Variants in TSPAN9 observed in about 807,000 individuals in gnomAD.
The protein encoded by TSPAN9 is tetraspanin 9.
TSPAN9 carries 16 observed loss-of-function variants against 31.0 expected under a neutral mutation model. That is an observed-to-expected ratio of 0.52 (90% CI 0.35 to 0.78). TSPAN9 has a LOEUF of 0.78. Ranked by LOEUF, TSPAN9 falls within the 30% of genes least tolerant of loss-of-function variation. The pLI is 0.01. For synonymous variants in TSPAN9, 145 were observed against 121.6 expected (o/e 1.19, Z -1.27); for missense variants, 272 against 312.5 (o/e 0.87, Z 0.98).
At chr12:3,101,494 C>T (rs531620830) in intron 2 of TSPAN9, among the ~76,000 whole-genome samples, 2 of 152,262 alleles carry the variant, frequency 1.3e-5, no homozygotes, top group East Asian at 3.9e-4. Flanking sequence ...CTCTGAGCCC[C>T]ATGATTCATC....
intron 2 of TSPAN9, among the ~76,000 whole-genome samples, chr12:3,176,477 C>T (rs1014790089): frequency 6.6e-6 from 1 of 152,246 alleles, no homozygotes; most frequent in Non-Finnish European, 1.5e-5. Context: ...ATTGTCACAT[C>T]CGTGTGCTGC....
chr12:3,281,196 AGATGC>A lies in TSPAN9; in HGVS notation c.437_441del (p.Arg146LeufsTer5), dbSNP rs1862885806. The A allele has an allele frequency of 1.9e-6, 3 of 1,550,912 alleles. No individual in the cohort carries two copies. Among genetic ancestry groups the A allele is most frequent in the Non-Finnish European group, 1.7e-6 (2 of 1,146,860 alleles). On this transcript the variant is annotated splice_acceptor_variant and coding_sequence_variant, in exon 7 of 9. Transcript: ENST00000011898. LOFTEE classifies it high-confidence loss of function. ...ACTGCCCCTTCCATTCCTGCTGGCC[AGATGC>A]GATGCTGTGGTGTCACTGACTACAC... is the stretch of plus-strand genomic sequence containing the variant.
chr12:3,175,131 T>C (rs2098354812), intron 2 of TSPAN9, among the ~76,000 whole-genome samples: 2 of 151,886 alleles, frequency 1.3e-5, no homozygotes. Flanking sequence ...GGGGCATCAT[T>C]TGGGATGAAT....
intron 2 of TSPAN9, among the ~76,000 whole-genome samples, chr12:3,199,558 C>A (rs921479030): frequency 2.0e-5 from 3 of 152,258 alleles, no homozygotes; most frequent in Admixed American, 2.0e-4. Flanking sequence ...GGCACCCCTA[C>A]ATCACTCTTG....
At chr12:3,094,073 G>A (rs924912903) in intron 2 of TSPAN9, among the ~76,000 whole-genome samples, 2 of 152,234 alleles carry the variant, frequency 1.3e-5, no homozygotes, top group South Asian at 4.1e-4. Flanking sequence ...TGTTGCCCAG[G>A]CTGGTCTTGA....
chr12:3,206,043 TAAGCA>T (rs2098374976), intron 3 of TSPAN9, among the ~76,000 whole-genome samples: 1 of 152,030 alleles, frequency 6.6e-6, no homozygotes, highest in East Asian at 1.9e-4. Context: ...TGAAAAAGGG[TAAGCA>T]GCTCGCTCTA....
chr12:3,268,382 A>G (rs1862583088), intron 3 of TSPAN9, among the ~76,000 whole-genome samples: 1 of 119,336 alleles, frequency 8.4e-6, no homozygotes, highest in African/African-American at 3.2e-5. Flanking sequence ...GTGTTCCTGC[A>G]GCCTGCCCTC....
chr12:3,272,883 G>A (rs990553835), intron 3 of TSPAN9: 2 of 152,280 alleles, frequency 1.3e-5, no homozygotes, highest in Non-Finnish European at 2.9e-5. Flanking sequence ...AGTCAGCATG[G>A]TTCAAACTGA....
Position 3,240,171 on chromosome 12 carries a change from C to T in TSPAN9, c.64-38250C>T, listed in dbSNP as rs960021936. On this transcript the variant is annotated intron_variant, in intron 3 of 8. Transcript: ENST00000011898. Reference sequence around the variant, plus strand: ...TTCCTCTACTTTCACCCCCTGTTTTCCTCCTCGAGTATTTTAAAGCAGGTC... The same window carrying T: ...TTCCTCTACTTTCACCCCCTGTTTTTCTCCTCGAGTATTTTAAAGCAGGTC... Among the ~76,000 whole-genome samples, 6 of 152,192 alleles carry T rather than the reference C, an allele frequency of 3.9e-5. No homozygotes were observed. The South Asian group carries it at 6.2e-4, about 16-fold the overall frequency.
At chr12:3,240,563 G>A (rs191469255) in intron 3 of TSPAN9, among the ~76,000 whole-genome samples, 3 of 152,178 alleles carry the variant, frequency 2.0e-5, no homozygotes, top group African/African-American at 4.8e-5. Context: ...ATCTGAATCC[G>A]GGTCTCAGGA....
At chr12:3,119,171 C>A (rs149855370) in intron 2 of TSPAN9, among the ~76,000 whole-genome samples, 160 of 152,314 alleles carry the variant, frequency 1.1e-3, no homozygotes, top group African/African-American at 3.8e-3. Context: ...ATGCTCTCTG[C>A]CCTCAGGATG....
chr12:3,186,544 G>GTT (rs746884508), intron 2 of TSPAN9, among the ~76,000 whole-genome samples: 3 of 36,704 alleles, frequency 8.2e-5, no homozygotes, highest in Non-Finnish European at 1.7e-4. Flanking sequence ...CCAGGAGTTT[G>GTT]TTTGTGTGTG....
intron 2 of TSPAN9, among the ~76,000 whole-genome samples, chr12:3,103,845 G>A (rs1565576590): frequency 6.6e-6 from 1 of 152,194 alleles, no homozygotes; most frequent in East Asian, 1.9e-4. Context: ...CTCTGGGGCT[G>A]CAGGAGTGAG....
intron 3 of TSPAN9, among the ~76,000 whole-genome samples, chr12:3,276,011 G>T (rs559623146): frequency 3.9e-5 from 6 of 152,126 alleles, no homozygotes; most frequent in Non-Finnish European, 7.4e-5. Context: ...ATTTCTCACC[G>T]CTCCTCCGTA....
intron 2 of TSPAN9, among the ~76,000 whole-genome samples, chr12:3,186,193 G>A (rs2098361219): frequency 6.6e-6 from 1 of 152,244 alleles, no homozygotes; most frequent in Admixed American, 6.5e-5. Flanking sequence ...ATGGCACCTA[G>A]GGGTTTGGGA....
chr12:3,213,350 C>A (rs1269858680), intron 3 of TSPAN9, among the ~76,000 whole-genome samples: 3 of 152,194 alleles, frequency 2.0e-5, no homozygotes, highest in Admixed American at 6.5e-5. Context: ...AGGGGGGCTT[C>A]CCCCGCTTGT....
chr12:3,111,010 G>A (rs535255741), intron 2 of TSPAN9, among the ~76,000 whole-genome samples: 5 of 152,266 alleles, frequency 3.3e-5, no homozygotes, highest in Non-Finnish European at 7.4e-5. Context: ...TCACTCTGTC[G>A]CCGTAGACCG....
chr12:3,257,206 T>C (rs889356460), intron 3 of TSPAN9, among the ~76,000 whole-genome samples: 1 of 151,870 alleles, frequency 6.6e-6, no homozygotes, highest in Non-Finnish European at 1.5e-5. Flanking sequence ...TCGCCAGTTC[T>C]GCAGGGAGTA....
chr12:3,164,715 A>G (rs1233430495), intron 2 of TSPAN9, among the ~76,000 whole-genome samples: 2 of 152,138 alleles, frequency 1.3e-5, no homozygotes, highest in Non-Finnish European at 2.9e-5. Context: ...ACTTGATCAC[A>G]GCACTGTTAA....
Sources: allele counts gnomAD v4.1 joint callset (sites outside exome capture counted in the v4.1 genomes callset), GRCh38; gene constraint gnomAD v4.1.1; transcripts MANE v1.5; gene names NCBI Gene and HGNC (gene_info 2026-07-23, HGNC 2026-07-21).